Variants in ITSN1 observed in about 807,000 individuals in gnomAD.
ITSN1 encodes the protein intersectin 1.
In ITSN1, 58 loss-of-function variants were observed where a neutral mutation model predicts 239.8. That is an observed-to-expected ratio of 0.24 (90% CI 0.20 to 0.30). The LOEUF (loss-of-function observed/expected upper bound fraction) is 0.30, where lower values mean the gene tolerates loss of function less well. Ranked by LOEUF, ITSN1 falls within the 10% of genes least tolerant of loss-of-function variation. The probability of loss-of-function intolerance (pLI) is 1.00; values close to 1 mark genes in which losing one functional copy is unlikely to be tolerated. For synonymous variants in ITSN1, 780 were observed against 770.8 expected (o/e 1.01, Z -0.20); for missense variants, 1,558 against 2,103.3 (o/e 0.74, Z 5.07).
At chr21:33,817,115 C>A (rs1457842458) in intron 22 of ITSN1, 1 of 1,160,996 alleles carries the variant, frequency 8.6e-7, no homozygotes, top group Non-Finnish European at 1.1e-6. Flanking sequence ...TGTTCTTGTC[C>A]ATTCATATAT....
intron 14 of ITSN1, among the ~76,000 whole-genome samples, chr21:33,779,300 A>G (rs1423473758): frequency 1.3e-5 from 2 of 152,122 alleles, no homozygotes; most frequent in Admixed American, 6.5e-5. Flanking sequence ...TTTTGATACA[A>G]ACATTTTAAG....
rs1266033601 is a variant in ITSN1, at chr21:33,885,461, C to T, written c.4782C>T (p.Gly1594=). 2 of 1,613,990 alleles carry T rather than the reference C, an allele frequency of 1.2e-6. No individual in the cohort carries two copies. Among genetic ancestry groups the T allele is most frequent in the South Asian group, 1.1e-5 (1 of 91,086 alleles). Residue 1594 remains glycine, a synonymous_variant, in exon 38 of 40, where the codon GGC becomes GGT. Coordinates refer to ENST00000381318, the MANE Select transcript of ITSN1 (RefSeq NM_003024.3). ...AYLVRSQRAT[G]IGRLMVNVVE... ...TAGTCCGTTCCCAAAGGGCAACAGG[C>T]ATTGGAAGGTTGATGGTGAACGTGG...
chr21:33,772,029 G>A, intron 11 of ITSN1, 32 bp from the exon 12 acceptor site: 1 of 1,602,712 alleles, frequency 6.2e-7, no homozygotes, highest in Non-Finnish European at 8.5e-7. Context: ...AAAATCTTGA[G>A]TTTTCATAGT....
intron 1 of ITSN1, among the ~76,000 whole-genome samples, chr21:33,691,246 A>G (rs2091533614): frequency 6.6e-6 from 1 of 152,182 alleles, no homozygotes; most frequent in African/African-American, 2.4e-5. Context: ...TAAACAGTCA[A>G]TACTTGATTT....
intron 1 of ITSN1, among the ~76,000 whole-genome samples, chr21:33,698,301 T>C (rs1053761997): frequency 4.6e-5 from 7 of 152,152 alleles, no homozygotes; most frequent in African/African-American, 1.4e-4. Context: ...TGCTGGACCC[T>C]GGTCATTCCT....
In ITSN1 at chr21:33,799,739, CTTG is replaced by C. The variant is rs1411904312; in HGVS notation, c.2183-64_2183-62del. On this transcript the variant is annotated intron_variant, in intron 18 of 39. Coordinates refer to ENST00000381318, the MANE Select transcript of ITSN1 (RefSeq NM_003024.3). ...AATAGAGGAGAGGTTAGTTGTTTGG[CTTG>C]TTGTCATACATTTGTGTTCTCTGTA... 4.5e-6 allele frequency: 7 copies of C among 1,551,052 alleles called. No individual in the cohort carries two copies. In the Admixed American group the frequency reaches 1.2e-4, roughly 27 times the overall value.
intron 33 of ITSN1, 71 bp downstream of exon 33, chr21:33,867,402 C>A: frequency 1.2e-6 from 1 of 854,144 alleles, no homozygotes; most frequent in South Asian, 1.3e-5. Context: ...GGGTCATGGA[C>A]AAGATTCCCA....
intron 20 of ITSN1, among the ~76,000 whole-genome samples, chr21:33,808,055 C>T (rs999475608): frequency 3.3e-5 from 5 of 151,906 alleles, no homozygotes; most frequent in Admixed American, 6.5e-5. Flanking sequence ...GGCGCGGTGG[C>T]GGGCGCCTGT....
intron 4 of ITSN1, among the ~76,000 whole-genome samples, chr21:33,731,093 A>G (rs889644430): frequency 6.6e-6 from 1 of 152,194 alleles, no homozygotes; most frequent in African/African-American, 2.4e-5. Flanking sequence ...GTATCACGAC[A>G]TTTTCAACTA....
chr21:33,879,255 G>A lies in ITSN1; in HGVS notation c.4342-2988G>A, dbSNP rs142155561. Among the ~76,000 whole-genome samples, 953 of 152,304 alleles carry A rather than the reference G, an allele frequency of 6.3e-3. 9 individuals carry two copies. The highest frequency in any genetic ancestry group is 0.021 in the African/African-American group (884 of 41,568). ...AGTCTCAGCTACTTGGGAGGCTGAG[G>A]CAGGAGGATCGCTTGAGCCCAGGAG... On this transcript the variant is annotated intron_variant, in intron 34 of 39. Transcript: ENST00000381318.
intron 1 of ITSN1, among the ~76,000 whole-genome samples, chr21:33,684,632 T>G (rs2091146705): frequency 6.6e-6 from 1 of 152,020 alleles, no homozygotes; most frequent in South Asian, 2.1e-4. Flanking sequence ...CTTATTAGGA[T>G]GAGGGAAAAA....
chr21:33,786,663 C>T (rs2070703751), intron 16 of ITSN1, among the ~76,000 whole-genome samples: 1 of 152,138 alleles, frequency 6.6e-6, no homozygotes, highest in South Asian at 2.1e-4. Context: ...TTGTAGTTTT[C>T]CAGGCTCCTT....
intron 1 of ITSN1, among the ~76,000 whole-genome samples, chr21:33,645,818 T>C (rs1056702889): frequency 1.3e-5 from 2 of 152,258 alleles, no homozygotes; most frequent in Non-Finnish European, 2.9e-5. Flanking sequence ...TCCTTCTCTC[T>C]GAGCATCTCC....
intron 16 of ITSN1, among the ~76,000 whole-genome samples, chr21:33,787,524 A>G (rs999558030): frequency 6.6e-6 from 1 of 152,234 alleles, no homozygotes; most frequent in Non-Finnish European, 1.5e-5. Flanking sequence ...GGCCAGTTGT[A>G]GTAAATGAGG....
intron 20 of ITSN1, among the ~76,000 whole-genome samples, chr21:33,803,289 G>A (rs968382810): frequency 1.3e-5 from 2 of 152,142 alleles, no homozygotes; most frequent in African/African-American, 4.8e-5. Context: ...TAAAATTCTC[G>A]TTCCCTCTGC....
chr21:33,722,115 C>T, intron 3 of ITSN1: 1 of 152,228 alleles, frequency 6.6e-6, no homozygotes, highest in Non-Finnish European at 1.5e-5. Flanking sequence ...ACCATGTTGG[C>T]CAGGCTGGTC....
In ITSN1 at chr21:33,865,191, C is replaced by T. The variant is rs1184231848; in HGVS notation, c.3931C>T (p.Pro1311Ser). The T allele has an allele frequency of 6.2e-7, 1 of 1,613,896 alleles. No homozygotes were observed. Among genetic ancestry groups the T allele is most frequent in the Non-Finnish European group, 8.5e-7 (1 of 1,179,926 alleles). ...VRKKMSGEKM[P>S]VKMIGDILSA... ...CAAGAAGATGTCCGGGGAGAAGATG[C>T]CTGTGAAGATGATTGGAGACATCCT... is the stretch of plus-strand genomic sequence containing the variant. Residue 1311 changes from proline (P) to serine (S), a missense_variant, in exon 32 of 40, where the codon CCT becomes TCT. Around this residue, in one of 2 missense-constraint regions of ITSN1, gnomAD observed 576 missense variants for 893.3 expected, o/e 0.64. Transcript: ENST00000381318. This position sits in a 1 kb window ranked among gnomAD's most constrained non-coding sequence, Gnocchi z 4.4.
At chr21:33,783,818 A>G (rs1229048681) in intron 16 of ITSN1, among the ~76,000 whole-genome samples, 3 of 152,138 alleles carry the variant, frequency 2.0e-5, no homozygotes, top group African/African-American at 7.2e-5. Context: ...GTGCCTTCAC[A>G]TTGATTCTTT....
At chr21:33,680,617 C>T (rs926256298) in intron 1 of ITSN1, among the ~76,000 whole-genome samples, 11 of 152,182 alleles carry the variant, frequency 7.2e-5, no homozygotes, top group African/African-American at 1.9e-4. Flanking sequence ...AGGCGTGAGC[C>T]GATGTGCGTG....
Sources: allele counts gnomAD v4.1 joint callset (sites outside exome capture counted in the v4.1 genomes callset), GRCh38; gene constraint gnomAD v4.1.1; regional missense constraint gnomAD v4.1.1; non-coding constraint Gnocchi (gnomAD v3.1); transcripts MANE v1.5; gene names NCBI Gene and HGNC (gene_info 2026-07-23, HGNC 2026-07-21).